SLC7A14: variants seen among roughly 807,000 people sequenced by gnomAD.
SLC7A14 encodes solute carrier family 7 member 14, also known as gamma-aminobutyric acid transporter SLC7A14.
SLC7A14 carries 37 observed loss-of-function variants against 60.2 expected under a neutral mutation model. That is an observed-to-expected ratio of 0.61 (90% confidence interval 0.47 to 0.81). The LOEUF is 0.81. SLC7A14 is among the 30% of genes least tolerant of loss of function. The pLI, the probability that SLC7A14 is intolerant of heterozygous loss-of-function variation, is 0.00. For synonymous variants in SLC7A14, 399 were observed against 395.8 expected, an observed-to-expected ratio of 1.01 and a Z score of -0.10; for missense variants, 886 against 982.7, an observed-to-expected ratio of 0.90 and a Z score of 1.32.
intron 7 of SLC7A14, among the ~76,000 whole-genome samples, chr3:170,477,046 A>G (rs186294602): frequency 6.6e-6 from 1 of 152,234 alleles, no homozygotes; most frequent in Admixed American, 6.5e-5. Context: ...TAAACCAAGC[A>G]TGGGACCCTG....
At chr3:170,482,881 G>A (rs1711878417) in intron 6 of SLC7A14, among the ~76,000 whole-genome samples, 1 of 152,066 alleles carries the variant, frequency 6.6e-6, no homozygotes, top group Non-Finnish European at 1.5e-5. Context: ...CTGTTCAGAG[G>A]GTCTTATCTA....
At chr3:170,575,461 G>A (rs1185642516) in intron 1 of SLC7A14, among the ~76,000 whole-genome samples, 2 of 152,154 alleles carry the variant, frequency 1.3e-5, no homozygotes, top group Non-Finnish European at 2.9e-5. Context: ...AATGCTGTAT[G>A]TAGAAGGAGC....
intron 1 of SLC7A14, among the ~76,000 whole-genome samples, chr3:170,539,485 GTGTC>G (rs1397254307): frequency 2.0e-5 from 3 of 152,038 alleles, no homozygotes; most frequent in African/African-American, 4.8e-5. Context: ...TCATCTATCT[GTGTC>G]TGTCTATCGT....
rs377754833 is a variant in SLC7A14 at position 170,492,279 on chromosome 3, T to C, written c.760-5911A>G. Reference sequence around the variant, plus strand: ...GTGTTCGTGTGCAAGTGTATGTGTATTTCTGGGTTTATTGGTATGTTATCC... The same window carrying C: ...GTGTTCGTGTGCAAGTGTATGTGTACTTCTGGGTTTATTGGTATGTTATCC... On this transcript the variant is annotated intron_variant, in intron 4 of 7. Coordinates refer to ENST00000231706, the MANE Select transcript of SLC7A14 (RefSeq NM_020949.3). 5.9e-5 allele frequency among the ~76,000 whole-genome samples: 9 copies of C among 152,318 alleles called. No homozygotes were observed. The South Asian group carries it at 1.9e-3, about 32-fold the overall frequency.
intron 1 of SLC7A14, among the ~76,000 whole-genome samples, chr3:170,568,597 GGGCAGTAT>G (rs1446635953): frequency 2.6e-4 from 40 of 152,250 alleles, no homozygotes; most frequent in Admixed American, 1.8e-3. Flanking sequence ...AAATTACCTT[GGGCAGTAT>G]GGCCATTTTC....
chr3:170,520,507 C>G (rs915020484), intron 2 of SLC7A14, among the ~76,000 whole-genome samples: 1 of 152,184 alleles, frequency 6.6e-6, no homozygotes, highest in Non-Finnish European at 1.5e-5. Flanking sequence ...TTGGTACTGT[C>G]TCAGGACTGA....
At chr3:170,486,081 C>A in intron 5 of SLC7A14, 141 bp downstream of exon 5, 2 of 1,092,528 alleles carry the variant, frequency 1.8e-6, no homozygotes, top group Non-Finnish European at 2.6e-6. Context: ...TTTTTCTTGT[C>A]ATGGGGAGTG....
chr3:170,486,071 T>G (rs1447749615), intron 5 of SLC7A14, 151 bp downstream of exon 5: 1 of 1,011,320 alleles, frequency 9.9e-7, no homozygotes, highest in African/African-American at 1.6e-5. Flanking sequence ...AGTCCTAATT[T>G]TTTTCTTGTC....
chr3:170,583,534 TAA>T (rs1030477874), intron 1 of SLC7A14, among the ~76,000 whole-genome samples: 5 of 152,244 alleles, frequency 3.3e-5, no homozygotes, highest in Admixed American at 6.5e-5. Context: ...GGAATCAAGT[TAA>T]CTGGGTTCTA....
intron 7 of SLC7A14, among the ~76,000 whole-genome samples, chr3:170,470,685 A>C (rs570633391): frequency 1.4e-4 from 22 of 152,142 alleles, no homozygotes; most frequent in African/African-American, 5.3e-4. Flanking sequence ...GGAGAAAAGA[A>C]AAATGGAGGG....
intron 1 of SLC7A14, among the ~76,000 whole-genome samples, chr3:170,551,049 C>T (rs1714334482): frequency 6.6e-6 from 1 of 152,248 alleles, no homozygotes; most frequent in East Asian, 1.9e-4. Flanking sequence ...CAGTTACTCT[C>T]CATTGCTCCT....
Position 170,526,881 on chromosome 3 carries a change from C to A in SLC7A14, c.56G>T (p.Trp19Leu). 6.2e-7 allele frequency: 1 copy of A among 1,613,890 alleles called. No individual in the cohort carries two copies. The highest frequency in any genetic ancestry group is 8.5e-7 in the Non-Finnish European group (1 of 1,179,938). Reference protein sequence around the residue: ...DPRRVQWGAAWYAMHSRILRT... With the variant: ...DPRRVQWGAALYAMHSRILRT... ...TAGGATCCTGGAGTGCATTGCATAC[C>A]AGGCAGCTCCCCACTGCACCCGCCG... Residue 19 changes from tryptophan to leucine, a missense_variant, in exon 2 of 8, where the codon TGG becomes TTG. By Grantham distance (61) the Trp-to-Leu change is moderately conservative. Coordinates refer to ENST00000231706, the MANE Select transcript of SLC7A14 (RefSeq NM_020949.3).
intron 1 of SLC7A14, among the ~76,000 whole-genome samples, chr3:170,578,463 A>C (rs1025964702): frequency 6.6e-6 from 1 of 152,328 alleles, no homozygotes; most frequent in South Asian, 2.1e-4. Flanking sequence ...TCAGCTATCT[A>C]TCTGTCAGAT....
intron 1 of SLC7A14, among the ~76,000 whole-genome samples, chr3:170,529,558 G>C (rs1289082177): frequency 6.6e-6 from 1 of 152,176 alleles, no homozygotes; most frequent in African/African-American, 2.4e-5. Context: ...TGCTGTCATG[G>C]TGCTGACGTT....
At chr3:170,496,892 C>T (rs148929983) in intron 4 of SLC7A14, among the ~76,000 whole-genome samples, 2 of 151,998 alleles carry the variant, frequency 1.3e-5, no homozygotes, top group Non-Finnish European at 2.9e-5. Context: ...TGAAGAGCTG[C>T]GGCAGTCCCT....
chr3:170,580,968 A>G lies in SLC7A14; in HGVS notation c.-153+4943T>C, dbSNP rs370060340. Among the ~76,000 whole-genome samples, 184 of 152,320 alleles carry G rather than the reference A, an allele frequency of 1.2e-3. 1 individual carries two copies. Among genetic ancestry groups the G allele is most frequent in the South Asian group, 5.4e-3 (26 of 4,832 alleles). ...TGCATCTGAAAAGCAGTTTTACTTG[A>G]CGCATAAATAGCATACACAGATCAA... On this transcript the variant is annotated intron_variant, in intron 1 of 7. Coordinates refer to ENST00000231706, the MANE Select transcript of SLC7A14 (RefSeq NM_020949.3).
intron 2 of SLC7A14, among the ~76,000 whole-genome samples, chr3:170,505,227 A>G (rs1330151725): frequency 8.5e-5 from 13 of 152,114 alleles, no homozygotes; most frequent in Admixed American, 5.9e-4. Context: ...TTGGAAGACC[A>G]TCATCAACAA....
intron 1 of SLC7A14, among the ~76,000 whole-genome samples, chr3:170,580,135 G>A (rs1577578117): frequency 1.3e-5 from 2 of 152,172 alleles, no homozygotes; most frequent in African/African-American, 2.4e-5. Flanking sequence ...CTGGAACAAT[G>A]GTCTGAATTC....
intron 1 of SLC7A14, among the ~76,000 whole-genome samples, chr3:170,572,078 A>AAAAG (rs1252404582): frequency 7.5e-4 from 112 of 149,906 alleles, no homozygotes; most frequent in African/African-American, 2.6e-3. Flanking sequence ...AAAAAAAAAA[A>AAAAG]AAAGAAAGAA....
Sources: allele counts gnomAD v4.1 joint callset (sites outside exome capture counted in the v4.1 genomes callset), GRCh38; gene constraint gnomAD v4.1.1; transcripts MANE v1.5; gene names NCBI Gene and HGNC (gene_info 2026-07-23, HGNC 2026-07-21).